SPNS2: variants seen among roughly 807,000 people sequenced by gnomAD.
The protein encoded by SPNS2 is sphingosine-1-phosphate transporter SPNS2.
Under a neutral mutation model 57.6 loss-of-function variants are expected in SPNS2, and 37 were observed. That is an observed-to-expected ratio of 0.64 (90% CI 0.49 to 0.85). SPNS2 has a LOEUF of 0.85. Ranked by LOEUF, SPNS2 falls within the 40% of genes least tolerant of loss-of-function variation. The pLI is 0.00. For missense variants in SPNS2, 831 were observed against 779.1 expected, an observed-to-expected ratio of 1.07 and a Z score of -0.79; for synonymous variants, 440 against 346.9, an observed-to-expected ratio of 1.27 and a Z score of -2.98.
rs1255680584 is a variant in SPNS2 at position 4,533,342 on chromosome 17, C to T, written c.1188C>T (p.Asp396=). 1.2e-6 allele frequency: 2 copies of T among 1,611,980 alleles called. No homozygotes were observed. Among genetic ancestry groups the T allele is most frequent in the South Asian group, 1.1e-5 (1 of 91,026 alleles). Residue 396 remains aspartate, a synonymous_variant, in exon 8 of 13, where the codon GAC becomes GAT. Transcript: ENST00000329078. ...RWCRLKTQRA[D]PLVCAVGMLG... Reference sequence around the variant, plus strand: ...GCCGCCTGAAGACCCAGCGGGCCGACCCACTGGTGTGTGCCGTGGGCATGC... The same window carrying T: ...GCCGCCTGAAGACCCAGCGGGCCGATCCACTGGTGTGTGCCGTGGGCATGC...
chr17:4,521,229 T>C (rs1186960315), intron 2 of SPNS2, among the ~76,000 whole-genome samples: 1 of 152,150 alleles, frequency 6.6e-6, no homozygotes, highest in Admixed American at 6.5e-5. Context: ...TTCTGTCCAC[T>C]TGCCACCTAG....
At chr17:4,501,108 C>T (rs781139142) in intron 1 of SPNS2, among the ~76,000 whole-genome samples, 1 of 152,162 alleles carries the variant, frequency 6.6e-6, no homozygotes, top group African/African-American at 2.4e-5. Flanking sequence ...CCCTGTACAG[C>T]CCCCGTTCAA....
chr17:4,538,166 C>T lies in SPNS2; in HGVS notation c.*718C>T, dbSNP rs1019608438. 5.6e-5 allele frequency: 15 copies of T among 269,860 alleles called. No individual in the cohort carries two copies. The highest frequency in any genetic ancestry group is 4.7e-4 in the Admixed American group (10 of 21,172). 16.7% of individuals were successfully genotyped at this position (269,860 alleles called of 1,614,324 possible). On this transcript the variant is annotated 3_prime_UTR_variant, in exon 13 of 13. Coordinates refer to ENST00000329078, the MANE Select transcript of SPNS2 (RefSeq NM_001124758.3). ...GGTGAAGGCCCTGGCTGCAGCTGTA[C>T]ACCACCTGTGCCCCCAGGCTCAAGG... is the stretch of plus-strand genomic sequence containing the variant.
intron 2 of SPNS2, among the ~76,000 whole-genome samples, chr17:4,522,167 C>A (rs566040951): frequency 2.6e-5 from 4 of 152,162 alleles, no homozygotes; most frequent in Admixed American, 6.5e-5. Flanking sequence ...CCACTGCACT[C>A]CAGCCTGGGC....
At chr17:4,500,764 AG>A (rs1382959392) in intron 1 of SPNS2, among the ~76,000 whole-genome samples, 1 of 152,074 alleles carries the variant, frequency 6.6e-6, no homozygotes, top group Non-Finnish European at 1.5e-5. Flanking sequence ...GTCAAATGGA[AG>A]GGAAGAATTC....
At position 4,533,055 on chromosome 17, in the gene SPNS2, C is replaced by G. The variant is rs963140825; in HGVS notation, c.1014C>G (p.Leu338=). ...GGGCCCTGGGCATGTGGATCCCGCTCTACCTGCACCGCGCCCAAGTTGTGC... is the reference window on the plus strand; with the variant it reads ...GGGCCCTGGGCATGTGGATCCCGCTGTACCTGCACCGCGCCCAAGTTGTGC... The part of the protein sequence containing the change: ...ATGALGMWIP[L]YLHRAQVVQK... The change falls in exon 7 of 13, where the codon CTC becomes CTG. Residue 338 remains leucine, a synonymous_variant. Transcript: ENST00000329078. The G allele has an allele frequency of 1.5e-5, 25 of 1,613,336 alleles. No homozygotes were observed. The highest frequency in any genetic ancestry group is 2.7e-5 in the African/African-American group (2 of 74,938).
Position 4,531,034 on chromosome 17 carries a change from G to C in SPNS2, c.726-19G>C, listed in dbSNP as rs754752908. ...AGCCCCTGTCTCTGCTCAGCCTGACGTGTGTCTCTTCTCTGCAGTGGCCTG... is the reference window on the plus strand; with the variant it reads ...AGCCCCTGTCTCTGCTCAGCCTGACCTGTGTCTCTTCTCTGCAGTGGCCTG... On this transcript the variant is annotated intron_variant, in intron 4 of 12. Transcript: ENST00000329078. The C allele has an allele frequency of 9.0e-5, 145 of 1,613,400 alleles. 1 individual carries two copies. Among genetic ancestry groups the C allele is most frequent in the Admixed American group, 5.5e-4 (33 of 59,978 alleles).
chr17:4,538,795 A>AGAG lies in SPNS2; in HGVS notation c.*1350_*1352dup. The AGAG allele has an allele frequency of 1.3e-6, 1 of 754,670 alleles. No individual in the cohort carries two copies. 46.7% of individuals were successfully genotyped at this position (754,670 alleles called of 1,614,324 possible). A position where few individuals can be genotyped will look rare whatever the true frequency, so the allele number is the denominator to read the frequency against. On this transcript the variant is annotated 3_prime_UTR_variant, in exon 13 of 13. Transcript: ENST00000329078. ...TCTGGGGTACCCCGAGGGCCTGACA[A>AGAG]GAGGATGGGGTGGGGGTGGCATCCT...
intron 2 of SPNS2, 91 bp from the exon 3 acceptor site, chr17:4,524,966 A>G (rs1176023217): frequency 1.0e-5 from 16 of 1,545,894 alleles, no homozygotes; most frequent in Non-Finnish European, 1.3e-5. Context: ...CCTTTGCTCC[A>G]CAGACTCTTG....
At position 4,499,523 on chromosome 17, in the gene SPNS2, C is replaced by G; in HGVS notation, c.370+106C>G. The G allele has an allele frequency of 1.5e-6, 1 of 679,958 alleles. No individual in the cohort carries two copies. The highest frequency in any genetic ancestry group is 2.2e-6 in the Non-Finnish European group (1 of 460,190). 42.1% of individuals were successfully genotyped at this position (679,958 alleles called of 1,614,324 possible). ...GCTTTTGGTCTCAGGCCTGCTATCT[C>G]CAGGCCCTACGTGAGGTCCCTACGG... On this transcript the variant is annotated intron_variant, in intron 1 of 12. Transcript: ENST00000329078. The surrounding 1 kb of genome is among the most constrained non-coding windows in gnomAD (Gnocchi z 5.2).
chr17:4,535,369 G>C (rs1024761637), intron 9 of SPNS2, among the ~76,000 whole-genome samples: 7 of 152,208 alleles, frequency 4.6e-5, no homozygotes, highest in South Asian at 4.1e-4. Flanking sequence ...GTCGAGGCCT[G>C]GCTTGGTCCT....
chr17:4,518,135 G>C (rs551490517), intron 2 of SPNS2, among the ~76,000 whole-genome samples: 31 of 152,340 alleles, frequency 2.0e-4, no homozygotes, highest in African/African-American at 7.5e-4. Flanking sequence ...CAGGGTCTGA[G>C]TGTGAAAGGC....
chr17:4,530,811 G>A, intron 4 of SPNS2, 28 bp downstream of exon 4: 2 of 1,602,598 alleles, frequency 1.2e-6, no homozygotes, highest in Non-Finnish European at 1.7e-6. Flanking sequence ...CAGGGTCTGG[G>A]TGAGGATCTG....
At chr17:4,514,312 T>A (rs1296798680) in intron 2 of SPNS2, among the ~76,000 whole-genome samples, 1 of 152,180 alleles carries the variant, frequency 6.6e-6, no homozygotes, top group Non-Finnish European at 1.5e-5. Flanking sequence ...GAGGTCCCCA[T>A]GGTCTGCATT....
intron 2 of SPNS2, among the ~76,000 whole-genome samples, chr17:4,520,398 CG>C (rs1414593764): frequency 2.0e-5 from 3 of 152,058 alleles, no homozygotes; most frequent in Non-Finnish European, 4.4e-5. Context: ...GCATGATGGC[CG>C]GGGTCTGGCG....
At chr17:4,536,009 C>A in intron 9 of SPNS2, 67 bp from the exon 10 acceptor site, 3 of 1,414,872 alleles carry the variant, frequency 2.1e-6, no homozygotes, top group Non-Finnish European at 2.9e-6. Context: ...AGTGCCACGG[C>A]CCGGGGCCAG....
intron 1 of SPNS2, among the ~76,000 whole-genome samples, chr17:4,507,233 C>T (rs933500865): frequency 2.0e-5 from 3 of 152,346 alleles, no homozygotes; most frequent in African/African-American, 7.2e-5. Flanking sequence ...CTGAGGCCTC[C>T]ACATGGGGAC....
At chr17:4,502,000 G>A (rs1336172993) in intron 1 of SPNS2, among the ~76,000 whole-genome samples, 1 of 152,170 alleles carries the variant, frequency 6.6e-6, no homozygotes, top group African/African-American at 2.4e-5. Context: ...GACTAAAATA[G>A]TACAAGAAAT....
chr17:4,501,402 G>C (rs1443337527), intron 1 of SPNS2, among the ~76,000 whole-genome samples: 1 of 152,142 alleles, frequency 6.6e-6, no homozygotes, highest in African/African-American at 2.4e-5. Context: ...TGTCAGCATG[G>C]GGGAATGAGA....
Sources: gnomAD v4.1 joint callset for allele counts (sites outside exome capture counted in the v4.1 genomes callset) on GRCh38, gnomAD v4.1.1 for gene constraint, Gnocchi (gnomAD v3.1) non-coding constraint, MANE v1.5 for transcripts, NCBI Gene and HGNC (gene_info 2026-07-23, HGNC 2026-07-21) for gene names.